Variants in SEC24D observed in about 807,000 individuals in gnomAD.
SEC24D encodes SEC24 homolog D, COPII component.
SEC24D carries 69 observed loss-of-function variants against 116.9 expected under a neutral mutation model. The observed-to-expected ratio is 0.59, with a 90% CI of 0.49 to 0.72. SEC24D has a LOEUF of 0.72. Among genes scored for constraint, SEC24D ranks in the 30% least tolerant of loss-of-function variants. SEC24D has a pLI of 0.00. For missense variants in SEC24D, 1,131 were observed against 1,264.1 expected (o/e 0.89, Z 1.60); for synonymous variants, 405 against 442.8 (o/e 0.91, Z 1.07).
chr4:118,784,168 G>C (rs1000422231), intron 8 of SEC24D, among the ~76,000 whole-genome samples: 9 of 152,266 alleles, frequency 5.9e-5, no homozygotes, highest in African/African-American at 2.2e-4. Flanking sequence ...ATTTGAAGGA[G>C]AGCATTTTTG....
chr4:118,754,561 C>A (rs1278451203), intron 11 of SEC24D, among the ~76,000 whole-genome samples: 1 of 152,104 alleles, frequency 6.6e-6, no homozygotes, highest in Non-Finnish European at 1.5e-5. Flanking sequence ...TTATCTGTCC[C>A]CTGAGGGTCG....
intron 8 of SEC24D, among the ~76,000 whole-genome samples, chr4:118,792,015 C>G (rs369215938): frequency 6.6e-6 from 1 of 151,052 alleles, no homozygotes; most frequent in African/African-American, 2.4e-5. Context: ...CGCCTCTTCC[C>G]GGCCTCATCC....
chr4:118,731,889 G>T (rs867036740), intron 20 of SEC24D, among the ~76,000 whole-genome samples: 3 of 152,242 alleles, frequency 2.0e-5, no homozygotes, highest in South Asian at 4.2e-4. Flanking sequence ...GTGCCATCGG[G>T]ACAACTGGAG....
In SEC24D at chr4:118,757,709, C is replaced by T. The variant is rs201679562; in HGVS notation, c.1421+12G>A. 184 of 1,603,232 alleles carry T rather than the reference C, an allele frequency of 1.1e-4. No homozygotes were observed. Among genetic ancestry groups the T allele is most frequent in the Non-Finnish European group, 1.5e-4 (180 of 1,175,966 alleles). ...AATGTATAAGTTGTAAAAAGAATGA[C>T]GGTTGCCTTACTTTGGAATTTTTTC... On this transcript the variant is annotated intron_variant, in intron 11 of 22. Transcript: ENST00000280551.
At chr4:118,800,642 A>G (rs1172183548) in intron 7 of SEC24D, among the ~76,000 whole-genome samples, 1 of 152,154 alleles carries the variant, frequency 6.6e-6, no homozygotes, top group East Asian at 1.9e-4. Flanking sequence ...CAGTACTAAC[A>G]ACAAGGGTGA....
chr4:118,794,114 T>C (rs1389373007), intron 8 of SEC24D, among the ~76,000 whole-genome samples: 1 of 152,188 alleles, frequency 6.6e-6, no homozygotes, highest in Non-Finnish European at 1.5e-5. Context: ...ACAAACAACT[T>C]TGGAAAATAG....
In SEC24D at chr4:118,774,676, G is replaced by A. The variant is rs373657134; in HGVS notation, c.1042-6365C>T. ...AGAAAGGTACCATTCTCGCTGGTCT[G>A]TGACTTGAATCAAGCCCTTAAACCA... On this transcript the variant is annotated intron_variant, in intron 8 of 22. Transcript: ENST00000280551. Among the ~76,000 whole-genome samples, 15 of 152,270 alleles carry A rather than the reference G, an allele frequency of 9.9e-5. No homozygotes were observed. The East Asian group carries it at 2.7e-3, about 27-fold the overall frequency.
At chr4:118,768,482 C>T (rs182401833) in intron 8 of SEC24D, among the ~76,000 whole-genome samples, 171 bp from the exon 9 acceptor site, 1 of 151,558 alleles carries the variant, frequency 6.6e-6, no homozygotes, top group Admixed American at 6.6e-5. Flanking sequence ...GCAACCTCCA[C>T]CTACAGGGTT....
chr4:118,835,111 G>A lies in SEC24D; in HGVS notation c.-42+830C>T, dbSNP rs971295720. 5.3e-5 allele frequency among the ~76,000 whole-genome samples: 8 copies of A among 152,296 alleles called. No homozygotes were observed. The East Asian group carries it at 9.6e-4, about 18-fold the overall frequency. ...CTCCTCCCACTTAGCAGAGAGAGAC[G>A]TGGCAGCCTGAGCGCTGGTCAAGCT... On this transcript the variant is annotated intron_variant, in intron 1 of 22. Transcript: ENST00000280551.
At chr4:118,754,570 C>T (rs1726993223) in intron 11 of SEC24D, among the ~76,000 whole-genome samples, 1 of 152,178 alleles carries the variant, frequency 6.6e-6, no homozygotes, top group Non-Finnish European at 1.5e-5. Context: ...CCCTGAGGGT[C>T]GGGTACAATG....
Position 118,756,309 on chromosome 4 carries a change from C to G in SEC24D, c.1421+1412G>C, listed in dbSNP as rs534742099. Among the ~76,000 whole-genome samples, 11 of 152,242 alleles carry G rather than the reference C, an allele frequency of 7.2e-5. No homozygotes were observed. The East Asian group carries it at 1.9e-3, about 27-fold the overall frequency. ...CTACAGTCACAAACACATCTGCAGG[C>G]ATCAGACGCCTTTCTTATGCCACCA... On this transcript the variant is annotated intron_variant, in intron 11 of 22. Transcript: ENST00000280551.
intron 6 of SEC24D, among the ~76,000 whole-genome samples, chr4:118,809,720 T>C (rs1729823808): frequency 1.3e-5 from 2 of 152,130 alleles, no homozygotes; most frequent in African/African-American, 4.8e-5. Flanking sequence ...TTCTAAGTGT[T>C]AGAGACACAG....
intron 8 of SEC24D, among the ~76,000 whole-genome samples, chr4:118,787,740 G>A (rs1344912514): frequency 6.6e-6 from 1 of 152,184 alleles, no homozygotes; most frequent in Non-Finnish European, 1.5e-5. Context: ...CCTGGGAGGT[G>A]AAGGTTGCCG....
intron 21 of SEC24D, chr4:118,728,936 T>C (rs1725543656): frequency 1.2e-5 from 3 of 260,074 alleles, no homozygotes; most frequent in Non-Finnish European, 2.2e-5. Flanking sequence ...GTCAGCCCTC[T>C]GTATCCATGG....
intron 6 of SEC24D, among the ~76,000 whole-genome samples, chr4:118,814,287 C>T (rs1033904468): frequency 5.3e-5 from 8 of 152,192 alleles, no homozygotes; most frequent in African/African-American, 1.9e-4. Context: ...AGAGCTGTTG[C>T]ACATTTTGGC....
At chr4:118,744,888 C>G in intron 14 of SEC24D, 56 bp downstream of exon 14, 1 of 932,844 alleles carries the variant, frequency 1.1e-6, no homozygotes, top group Admixed American at 1.9e-5. Context: ...GAACACACTG[C>G]CTCTTTAACT....
intron 8 of SEC24D, among the ~76,000 whole-genome samples, chr4:118,769,534 G>A (rs536312935): frequency 5.9e-5 from 9 of 152,230 alleles, no homozygotes; most frequent in African/African-American, 2.2e-4. Flanking sequence ...GGTCAGTGGG[G>A]TAGGGGCATC....
Position 118,757,738 on chromosome 4 carries a change from C to A in SEC24D, c.1404G>T (p.Met468Ile). 6.2e-7 allele frequency: 1 copy of A among 1,605,276 alleles called. No individual in the cohort carries two copies. Among genetic ancestry groups the A allele is most frequent in the Admixed American group, 1.7e-5 (1 of 57,522 alleles). ...VKLICEELKT[M>I]LEKIPKEEQE... ...TGCCTTACTTTGGAATTTTTTCCAG[C>A]ATGGTCTTCAGTTCTTCACATATGA... Residue 468 changes from methionine to isoleucine, a missense_variant, in exon 11 of 23, where the codon ATG (methionine) becomes ATT (isoleucine). Coordinates refer to ENST00000280551, the MANE Select transcript of SEC24D (RefSeq NM_014822.4).
rs561422227 is a variant in SEC24D, at chr4:118,811,448, G to A, written c.801+3580C>T. On this transcript the variant is annotated intron_variant, in intron 6 of 22. Coordinates refer to ENST00000280551, the MANE Select transcript of SEC24D (RefSeq NM_014822.4). ...AAACACCAGTCTAAGTCTAAATGGTGCTATGAAAGTATTTTAAAAGTATTT... is the reference window on the plus strand; with the variant it reads ...AAACACCAGTCTAAGTCTAAATGGTACTATGAAAGTATTTTAAAAGTATTT... 1.9e-4 allele frequency among the ~76,000 whole-genome samples: 29 copies of A among 152,348 alleles called. No homozygotes were observed. The South Asian group carries it at 5.4e-3, about 28-fold the overall frequency.
Sources: allele counts gnomAD v4.1 joint callset (sites outside exome capture counted in the v4.1 genomes callset), GRCh38; gene constraint gnomAD v4.1.1; transcripts MANE v1.5; gene names NCBI Gene and HGNC (gene_info 2026-07-23, HGNC 2026-07-21).